The following NFKB1 variants were observed in gnomAD, a reference collection of about 807,000 sequenced individuals.
The protein encoded by NFKB1 is nuclear factor kappa B subunit 1, also known as nuclear factor NF-kappa-B p105 subunit.
NFKB1 carries 9 observed loss-of-function variants against 105.1 expected under a neutral mutation model. That is an observed-to-expected ratio of 0.09 (90% CI 0.05 to 0.15). NFKB1 has a LOEUF of 0.15. Ranked by LOEUF, NFKB1 falls within the 10% of genes least tolerant of loss-of-function variation. The pLI is 1.00. For missense variants in NFKB1, 830 were observed against 1,203.7 expected, an observed-to-expected ratio of 0.69 and a Z score of 4.59; for synonymous variants, 440 against 442.2, an observed-to-expected ratio of 1.00 and a Z score of 0.06.
intron 15 of NFKB1, 25 bp downstream of exon 15, chr4:102,597,686 G>T (rs4648073): frequency 0.013 from 20,618 of 1,597,078 alleles, 140 homozygotes; most frequent in Middle Eastern, 0.02. Flanking sequence ...TTGCATGATA[G>T]GTTGTCCTGG....
intron 5 of NFKB1, among the ~76,000 whole-genome samples, chr4:102,547,082 C>A (rs1163205539): frequency 6.6e-6 from 1 of 152,098 alleles, no homozygotes; most frequent in African/African-American, 2.4e-5. Context: ...GCAAATAAGC[C>A]ACTCTGTTTA....
chr4:102,588,444 CA>C (rs574735273), intron 11 of NFKB1, among the ~76,000 whole-genome samples: 2 of 134,042 alleles, frequency 1.5e-5, no homozygotes, highest in Non-Finnish European at 1.6e-5. Flanking sequence ...TGTACAAAAG[CA>C]AAAAAAAATA....
chr4:102,528,986 T>C (rs1046617474), intron 2 of NFKB1, among the ~76,000 whole-genome samples: 1 of 152,132 alleles, frequency 6.6e-6, no homozygotes, highest in Non-Finnish European at 1.5e-5. Context: ...GTGCACCCTC[T>C]CATCACTCCA....
chr4:102,527,718 A>G (rs1055376725), intron 2 of NFKB1, among the ~76,000 whole-genome samples: 1 of 152,148 alleles, frequency 6.6e-6, no homozygotes, highest in Non-Finnish European at 1.5e-5. Flanking sequence ...TGTATTATCA[A>G]AACCGTTTGT....
At chr4:102,557,460 C>T (rs1723071984) in intron 5 of NFKB1, among the ~76,000 whole-genome samples, 2 of 152,152 alleles carry the variant, frequency 1.3e-5, no homozygotes, top group Admixed American at 1.3e-4. Context: ...GAAACATACT[C>T]CACTAGTTTG....
At chr4:102,516,634 CATT>C (rs953867255) in intron 1 of NFKB1, among the ~76,000 whole-genome samples, 1 of 151,976 alleles carries the variant, frequency 6.6e-6, no homozygotes, top group Non-Finnish European at 1.5e-5. Flanking sequence ...TCTGTTCTCT[CATT>C]ATGTTCATCT....
Position 102,533,924 on chromosome 4 carries a change from A to G in NFKB1, c.159+39A>G, listed in dbSNP as rs187116628. 42 of 1,531,974 alleles carry G rather than the reference A, an allele frequency of 2.7e-5. 1 individual carries two copies. In the Admixed American group the frequency reaches 6.7e-4, roughly 24 times the overall value. The allele number at this position is 1,531,974 out of a possible 1,614,324, so 94.9% of individuals were successfully genotyped here. Reference sequence around the variant, plus strand: ...GGTGGGACTTTAAATGTTAGATTCCAGTGTCTAATATTGAGATCATAAGCA... The same window carrying G: ...GGTGGGACTTTAAATGTTAGATTCCGGTGTCTAATATTGAGATCATAAGCA... On this transcript the variant is annotated intron_variant, in intron 4 of 23. Coordinates refer to ENST00000226574, the MANE Select transcript of NFKB1 (RefSeq NM_003998.4).
chr4:102,522,262 G>A (rs564077100), intron 1 of NFKB1, among the ~76,000 whole-genome samples: 17 of 152,210 alleles, frequency 1.1e-4, no homozygotes, highest in African/African-American at 3.9e-4. Context: ...GGTTTCTTTT[G>A]ACATTTCATT....
chr4:102,527,071 G>A (rs1195997244), intron 2 of NFKB1, among the ~76,000 whole-genome samples: 2 of 152,042 alleles, frequency 1.3e-5, no homozygotes, highest in Non-Finnish European at 2.9e-5. Context: ...ATGGAGATTT[G>A]TTCATTCATC....
At chr4:102,590,407 G>C (rs1411208641) in intron 11 of NFKB1, among the ~76,000 whole-genome samples, 1 of 152,066 alleles carries the variant, frequency 6.6e-6, no homozygotes, top group Non-Finnish European at 1.5e-5. Flanking sequence ...CAAATACTGT[G>C]ATTTTTACAA....
At chr4:102,517,333 A>G (rs1391755403) in intron 1 of NFKB1, among the ~76,000 whole-genome samples, 1 of 152,196 alleles carries the variant, frequency 6.6e-6, no homozygotes, top group East Asian at 1.9e-4. Flanking sequence ...GGTATTTTGT[A>G]TGGTTTCACA....
intron 16 of NFKB1, among the ~76,000 whole-genome samples, chr4:102,604,561 A>C (rs1486107736): frequency 6.6e-6 from 1 of 151,910 alleles, no homozygotes; most frequent in Non-Finnish European, 1.5e-5. Flanking sequence ...GCATTGTGCT[A>C]CATGTTACTG....
At chr4:102,568,743 A>G (rs1400792828) in intron 6 of NFKB1, among the ~76,000 whole-genome samples, 2 of 152,154 alleles carry the variant, frequency 1.3e-5, no homozygotes, top group African/African-American at 4.8e-5. Flanking sequence ...ATGGTTATTT[A>G]AATTTGAGAC....
In NFKB1 at chr4:102,537,850, CT is replaced by C; in HGVS notation, c.160-5del. On this transcript the variant is annotated splice_polypyrimidine_tract_variant and splice_region_variant and intron_variant, in intron 4 of 23. Coordinates refer to ENST00000226574, the MANE Select transcript of NFKB1 (RefSeq NM_003998.4). The stretch of plus-strand genomic sequence containing the variant: ...CAAACTTAATTGGCTTAACGTTCAC[CT>C]TTGCAGAGAGGATTTCGTTTCCGTT... 6.3e-7 allele frequency: 1 copy of C among 1,574,918 alleles called. No individual in the cohort carries two copies. Among genetic ancestry groups the C allele is most frequent in the Non-Finnish European group, 8.7e-7 (1 of 1,145,296 alleles).
At chr4:102,573,299 A>T (rs977937388) in intron 6 of NFKB1, among the ~76,000 whole-genome samples, 1 of 151,818 alleles carries the variant, frequency 6.6e-6, no homozygotes, top group Non-Finnish European at 1.5e-5. Context: ...CAAGAAAGAA[A>T]CTCCGTCTCA....
At chr4:102,609,304 T>C (rs756341394) in intron 19 of NFKB1, among the ~76,000 whole-genome samples, 10 of 151,936 alleles carry the variant, frequency 6.6e-5, no homozygotes, top group African/African-American at 9.7e-5. Flanking sequence ...AGTCCTAATC[T>C]TAATGTCGTG....
intron 1 of NFKB1, among the ~76,000 whole-genome samples, chr4:102,517,200 C>T (rs1486381650): frequency 6.6e-6 from 1 of 152,150 alleles, no homozygotes; most frequent in Non-Finnish European, 1.5e-5. Context: ...TCTCTTTGGG[C>T]TCTCCCTGTG....
intron 6 of NFKB1, among the ~76,000 whole-genome samples, chr4:102,567,411 GTGGTC>G (rs1406468206): frequency 1.3e-5 from 2 of 152,136 alleles, no homozygotes; most frequent in Non-Finnish European, 2.9e-5. Context: ...TCACTTATAT[GTGGTC>G]ACTTGACCTA....
rs758478305 is a variant in NFKB1 at position 102,582,985 on chromosome 4, C to G, written c.927+28C>G. ...AAGTGATTTATTATTATTATTAATC[C>G]TTATTATTTTTAGAGATGGGATCTC... On this transcript the variant is annotated intron_variant, in intron 10 of 23. Transcript: ENST00000226574. The G allele has an allele frequency of 1.2e-5, 18 of 1,477,920 alleles. No homozygotes were observed. In the Admixed American group the frequency reaches 3.1e-4, roughly 25 times the overall value. The allele number at this position is 1,477,920 out of a possible 1,614,324, so 91.6% of individuals were successfully genotyped here.
Sources: allele counts gnomAD v4.1 joint callset (sites outside exome capture counted in the v4.1 genomes callset), GRCh38; gene constraint gnomAD v4.1.1; transcripts MANE v1.5; gene names NCBI Gene and HGNC (gene_info 2026-07-23, HGNC 2026-07-21).